Variants in RIN3 observed in about 807,000 individuals in gnomAD.
RIN3 encodes the protein RAB5 interacting protein 3.
A neutral mutation model predicts 76.3 loss-of-function variants in RIN3; 54 were observed. The observed-to-expected ratio is 0.71, with a 90% CI of 0.57 to 0.89. RIN3 has a LOEUF of 0.89. Among genes scored for constraint, RIN3 ranks in the 40% least tolerant of loss-of-function variants. RIN3 has a pLI of 0.00. For missense variants in RIN3, 1,256 were observed against 1,322.1 expected, an observed-to-expected ratio of 0.95 and a Z score of 0.78; for synonymous variants, 576 against 564.0, an observed-to-expected ratio of 1.02 and a Z score of -0.30.
intron 1 of RIN3, among the ~76,000 whole-genome samples, chr14:92,526,437 T>C (rs1595389148): frequency 6.8e-6 from 1 of 148,118 alleles, no homozygotes; most frequent in African/African-American, 2.5e-5. Context: ...CCAGCCTGAG[T>C]GACAGAGTGA....
intron 1 of RIN3, among the ~76,000 whole-genome samples, chr14:92,530,091 ATGAGAATCAACTATATCTTCCTCG>A (rs1272578571): frequency 6.6e-6 from 1 of 152,230 alleles, no homozygotes; most frequent in Non-Finnish European, 1.5e-5. Context: ...ACAATGAATG[ATGAGAATCAACTATATCTTCCTCG>A]TGTAGATAAA....
chr14:92,527,620 C>T (rs917688756), intron 1 of RIN3, among the ~76,000 whole-genome samples: 2 of 152,114 alleles, frequency 1.3e-5, no homozygotes, highest in East Asian at 3.8e-4. Flanking sequence ...GCAGTCAAGA[C>T]AGAAAATTCC....
At chr14:92,645,525 G>A (rs1018126968) in intron 5 of RIN3, among the ~76,000 whole-genome samples, 2 of 152,328 alleles carry the variant, frequency 1.3e-5, no homozygotes, top group Admixed American at 6.5e-5. Flanking sequence ...ATATGCTACA[G>A]TTCCATTTGA....
intron 3 of RIN3, among the ~76,000 whole-genome samples, chr14:92,595,817 C>A (rs578207226): frequency 6.6e-6 from 1 of 152,208 alleles, no homozygotes; most frequent in Non-Finnish European, 1.5e-5. Flanking sequence ...TCCCAAGCAC[C>A]TGGATGGTAA....
chr14:92,664,333 C>CCCT (rs2140156090), intron 7 of RIN3, among the ~76,000 whole-genome samples: 1 of 151,710 alleles, frequency 6.6e-6, no homozygotes, highest in South Asian at 2.1e-4. Context: ...ACATTCAACC[C>CCCT]CCTCCGCTTC....
In RIN3 at chr14:92,688,350, T is replaced by C; in HGVS notation, c.*98T>C. The C allele has an allele frequency of 8.3e-7, 1 of 1,203,560 alleles. No individual in the cohort carries two copies. The allele number at this position is 1,203,560 out of a possible 1,614,324, so 74.6% of individuals were successfully genotyped here. Reference sequence around the variant, plus strand: ...GCGACGTCCACGCAGCAGAGGGACATGGGCCATTCCATGACGTGCCCAGGC... The same window carrying C: ...GCGACGTCCACGCAGCAGAGGGACACGGGCCATTCCATGACGTGCCCAGGC... On this transcript the variant is annotated 3_prime_UTR_variant, in exon 10 of 10. Coordinates refer to ENST00000216487, the MANE Select transcript of RIN3 (RefSeq NM_024832.5).
At position 92,688,026 on chromosome 14, in the gene RIN3, A is replaced by G. The variant is rs778702390; in HGVS notation, c.2732A>G (p.Glu911Gly). 2.2e-5 allele frequency: 35 copies of G among 1,590,966 alleles called. No individual in the cohort carries two copies. The Admixed American group carries it at 5.6e-4, about 26-fold the overall frequency. ...CAGGCGCTGTGCGCGCAGTGCGCGGAGAAGTTCGCGGTGGAGCGGCCGCAG... is the reference window on the plus strand; with the variant it reads ...CAGGCGCTGTGCGCGCAGTGCGCGGGGAAGTTCGCGGTGGAGCGGCCGCAG... ...QAQALCAQCA[E>G]KFAVERPQAH... Residue 911 changes from glutamate (E) to glycine (G), a missense_variant, in exon 10 of 10, where the codon GAG (glutamate) becomes GGG (glycine). Glu to Gly is a moderately conservative substitution (Grantham distance 98). Transcript: ENST00000216487.
chr14:92,664,622 G>A (rs919973507), intron 7 of RIN3, among the ~76,000 whole-genome samples: 1 of 151,514 alleles, frequency 6.6e-6, no homozygotes, highest in Non-Finnish European at 1.5e-5. Flanking sequence ...TGCCCGCCTC[G>A]GCCTCCCAAA....
chr14:92,630,365 G>A (rs1886531237), intron 4 of RIN3, among the ~76,000 whole-genome samples: 1 of 152,158 alleles, frequency 6.6e-6, no homozygotes, highest in Non-Finnish European at 1.5e-5. Flanking sequence ...CGTGGCACAT[G>A]CCTGTAATCC....
intron 1 of RIN3, among the ~76,000 whole-genome samples, chr14:92,537,117 GA>G (rs2140011023): frequency 1.3e-5 from 2 of 152,216 alleles, no homozygotes; most frequent in African/African-American, 4.8e-5. Flanking sequence ...TCTTCTTCCA[GA>G]GTTTCTTTAT....
intron 1 of RIN3, among the ~76,000 whole-genome samples, chr14:92,531,388 G>A (rs781719487): frequency 2.6e-5 from 4 of 152,202 alleles, no homozygotes; most frequent in Non-Finnish European, 4.4e-5. Context: ...CACCCACAGC[G>A]ACTTCATGCC....
intron 2 of RIN3, among the ~76,000 whole-genome samples, chr14:92,556,210 A>T (rs1897576482): frequency 6.6e-6 from 1 of 152,090 alleles, no homozygotes; most frequent in Non-Finnish European, 1.5e-5. Flanking sequence ...GGTGGCTTGC[A>T]GGCTCTCAGG....
rs35034984 is a variant in RIN3, at chr14:92,648,090, C to CTTT, written c.533-3478_533-3476dup. Among the ~76,000 whole-genome samples, 376 of 138,828 alleles carry CTTT rather than the reference C, an allele frequency of 2.7e-3. 11 individuals carry two copies. The South Asian group carries it at 0.038, about 14-fold the overall frequency. The allele number at this position is 138,828 out of a possible 152,430, so 91.1% of individuals were successfully genotyped here. On this transcript the variant is annotated intron_variant, in intron 5 of 9. Coordinates refer to ENST00000216487, the MANE Select transcript of RIN3 (RefSeq NM_024832.5). This position sits in a 1 kb window ranked among gnomAD's most constrained non-coding sequence, Gnocchi z 4.1. ...GCTGCAGAGAAAGTTACTCATTTCC[C>CTTT]TTTTTTTTTTTTTTTTGGAGCATAA...
intron 6 of RIN3, among the ~76,000 whole-genome samples, chr14:92,654,084 TGGG>T (rs942472596): frequency 2.7e-5 from 4 of 150,768 alleles, no homozygotes; most frequent in African/African-American, 9.8e-5. Context: ...GAGGCTGAGG[TGGG>T]GGGATCACTT....
chr14:92,668,957 AATTC>A (rs1888197769), intron 7 of RIN3, among the ~76,000 whole-genome samples: 3 of 152,228 alleles, frequency 2.0e-5, no homozygotes, highest in South Asian at 4.1e-4. Context: ...TTATCAAATA[AATTC>A]ATTCATTCAA....
intron 1 of RIN3, among the ~76,000 whole-genome samples, chr14:92,537,249 G>A (rs575702284): frequency 6.6e-6 from 1 of 152,068 alleles, no homozygotes; most frequent in Non-Finnish European, 1.5e-5. Context: ...GTTTCATATG[G>A]TACTAATATT....
At chr14:92,552,544 C>T (rs2140031413) in intron 1 of RIN3, among the ~76,000 whole-genome samples, 1 of 152,228 alleles carries the variant, frequency 6.6e-6, no homozygotes, top group Non-Finnish European at 1.5e-5. Context: ...CCTACCCCCT[C>T]TGCTCTCACC....
At chr14:92,608,514 A>G (rs2140096287) in intron 3 of RIN3, among the ~76,000 whole-genome samples, 1 of 151,442 alleles carries the variant, frequency 6.6e-6, no homozygotes, top group Non-Finnish European at 1.5e-5. Flanking sequence ...GAATGATAAA[A>G]CTGAATTTCT....
chr14:92,593,839 C>A (rs529586330), intron 3 of RIN3, among the ~76,000 whole-genome samples: 7 of 152,102 alleles, frequency 4.6e-5, no homozygotes, highest in Non-Finnish European at 1.0e-4. Flanking sequence ...TGCCTAACAA[C>A]AGAACATCAA....
Sources: gnomAD v4.1 joint callset for allele counts (sites outside exome capture counted in the v4.1 genomes callset) on GRCh38, gnomAD v4.1.1 for gene constraint, Gnocchi (gnomAD v3.1) non-coding constraint, MANE v1.5 for transcripts, NCBI Gene and HGNC (gene_info 2026-07-23, HGNC 2026-07-21) for gene names.